PRKN: variants seen among roughly 807,000 people sequenced by gnomAD.
PRKN encodes the protein parkin RBR E3 ubiquitin protein ligase.
PRKN carries 56 observed loss-of-function variants against 59.5 expected under a neutral mutation model. The ratio of observed to expected loss-of-function variants is 0.94; its 90% CI spans 0.76 to 1.18. The LOEUF is 1.18. Among genes scored for constraint, PRKN ranks in the 50% most tolerant of loss-of-function variants. The pLI, the probability that PRKN is intolerant of heterozygous loss-of-function variation, is 0.00. For synonymous variants in PRKN, 250 were observed against 222.1 expected (o/e 1.13, Z -1.12); for missense variants, 657 against 596.4 (o/e 1.10, Z -1.06).
chr6:162,618,688 T>C (rs2128220304), intron 1 of PRKN, among the ~76,000 whole-genome samples: 1 of 152,352 alleles, frequency 6.6e-6, no homozygotes, highest in South Asian at 2.1e-4. Context: ...CATAATGTTC[T>C]TCTGTCAGAA....
At chr6:161,583,104 G>C (rs1029802348) in intron 7 of PRKN, among the ~76,000 whole-genome samples, 3 of 151,666 alleles carry the variant, frequency 2.0e-5, no homozygotes, top group African/African-American at 4.8e-5. Flanking sequence ...ATGAACTATA[G>C]AGCATTACCA....
rs116004812 is a variant in PRKN, at chr6:162,099,429, G to A, written c.535-45255C>T. Among the ~76,000 whole-genome samples the A allele has an allele frequency of 5.3e-3, 805 of 152,276 alleles. 9 individuals are homozygous for A. Among genetic ancestry groups the A allele is most frequent in the African/African-American group, 0.018 (758 of 41,548 alleles). On this transcript the variant is annotated intron_variant, in intron 4 of 11. Transcript: ENST00000366898. ...TTTTGACAGAAGCGTACCCCTCCCT[G>A]GAGAAACAGTTCTTCAGAACCTATG...
chr6:161,943,944 C>T (rs538300382), intron 6 of PRKN, among the ~76,000 whole-genome samples: 1 of 53,374 alleles, frequency 1.9e-5, no homozygotes, highest in African/African-American at 7.9e-5. Flanking sequence ...GAGGAAGCAG[C>T]CTGAGGGATC....
intron 2 of PRKN, among the ~76,000 whole-genome samples, chr6:162,311,628 G>A (rs1463078094): frequency 6.6e-6 from 1 of 151,692 alleles, no homozygotes; most frequent in African/African-American, 2.4e-5. Flanking sequence ...GACTACAGGT[G>A]CGTACCACCA....
chr6:161,881,120 C>T (rs1434719997), intron 6 of PRKN, among the ~76,000 whole-genome samples: 1 of 152,160 alleles, frequency 6.6e-6, no homozygotes, highest in South Asian at 2.1e-4. Flanking sequence ...AGCCCTCTAC[C>T]CCATACTCAG....
intron 1 of PRKN, among the ~76,000 whole-genome samples, chr6:162,611,740 C>T (rs938199530): frequency 6.6e-6 from 1 of 152,166 alleles, no homozygotes; most frequent in Admixed American, 6.5e-5. Context: ...CTGACCACAT[C>T]TTAGTTTTGT....
chr6:162,209,519 G>C (rs888125853), intron 3 of PRKN, among the ~76,000 whole-genome samples: 1 of 152,174 alleles, frequency 6.6e-6, no homozygotes, highest in Non-Finnish European at 1.5e-5. Context: ...GTGTAAATTA[G>C]TTCAACCATT....
chr6:162,010,541 T>C lies in PRKN; in HGVS notation c.619-37124A>G, dbSNP rs1362120532. Among the ~76,000 whole-genome samples, 2 of 15,664 alleles carry C rather than the reference T, an allele frequency of 1.3e-4. 1 individual carries two copies. The highest frequency in any genetic ancestry group is 1.2e-3 in the African/African-American group (2 of 1,652). 10.3% of individuals were successfully genotyped at this position (15,664 alleles called of 152,430 possible). A position where few individuals can be genotyped will look rare whatever the true frequency, so the allele number is the denominator to read the frequency against. On this transcript the variant is annotated intron_variant, in intron 5 of 11. Transcript: ENST00000366898. Reference sequence around the variant, plus strand: ...ATATTATATAATATATTATATAATGTATTATATTATATATTATATAATATA... The same window carrying C: ...ATATTATATAATATATTATATAATGCATTATATTATATATTATATAATATA...
intron 2 of PRKN, among the ~76,000 whole-genome samples, chr6:162,341,734 C>T (rs931442577): frequency 2.0e-5 from 3 of 151,744 alleles, no homozygotes; most frequent in African/African-American, 7.3e-5. Context: ...AGGGAGGGGA[C>T]CAACACACAC....
intron 7 of PRKN, among the ~76,000 whole-genome samples, chr6:161,645,941 G>A (rs1305375133): frequency 1.3e-5 from 2 of 149,566 alleles, no homozygotes; most frequent in African/African-American, 4.9e-5. Flanking sequence ...GTGTGCATGC[G>A]TGGCGGAGGA....
intron 7 of PRKN, among the ~76,000 whole-genome samples, chr6:161,656,550 G>A (rs6908041): frequency 0.85 from 128,762 of 152,204 alleles, 55,540 homozygotes; most frequent in African/African-American, 0.96. Context: ...CTGAGATGCC[G>A]TGGAACATGC....
intron 6 of PRKN, among the ~76,000 whole-genome samples, chr6:161,885,731 T>G (rs1336309348): frequency 6.6e-6 from 1 of 151,910 alleles, no homozygotes; most frequent in African/African-American, 2.4e-5. Context: ...ATTAAGTCAT[T>G]GGGATATCAT....
At position 161,880,645 on chromosome 6, in the gene PRKN, G is replaced by A. The variant is rs142140934; in HGVS notation, c.734+92657C>T. 2.5e-3 allele frequency among the ~76,000 whole-genome samples: 385 copies of A among 152,224 alleles called. 9 individuals carry two copies. In the East Asian group the frequency reaches 0.068, roughly 27 times the overall value. On this transcript the variant is annotated intron_variant, in intron 6 of 11. Transcript: ENST00000366898. ...GGCTGCTCCTGGCTTGGTCTCCACC[G>A]GCCATGGGAAGCCAGCTTTTCCTAC...
chr6:162,207,681 A>G (rs2128333400), intron 3 of PRKN, among the ~76,000 whole-genome samples: 1 of 152,232 alleles, frequency 6.6e-6, no homozygotes, highest in African/African-American at 2.4e-5. Context: ...ATGGGACCTC[A>G]TGTGCACACC....
At chr6:162,443,536 A>C in intron 1 of PRKN, 63 bp from the exon 2 acceptor site, 1 of 1,466,142 alleles carries the variant, frequency 6.8e-7, no homozygotes, top group Non-Finnish European at 9.6e-7. Context: ...TTAAATGGTG[A>C]TAGCAACATT....
intron 7 of PRKN, among the ~76,000 whole-genome samples, chr6:161,756,472 A>C (rs1788931227): frequency 1.7e-5 from 2 of 114,924 alleles, no homozygotes; most frequent in Admixed American, 9.1e-5. Flanking sequence ...AAAAAAAAAC[A>C]CTTTCTCTCA....
chr6:162,096,739 C>G (rs1453028614), intron 4 of PRKN, among the ~76,000 whole-genome samples: 1 of 151,022 alleles, frequency 6.6e-6, no homozygotes, highest in African/African-American at 2.4e-5. Context: ...ATTGGGAGGC[C>G]TCCCAGCCAT....
intron 2 of PRKN, among the ~76,000 whole-genome samples, chr6:162,288,772 A>G (rs1031277953): frequency 2.0e-5 from 3 of 152,154 alleles, no homozygotes; most frequent in African/African-American, 7.2e-5. Context: ...ATTTATAAAC[A>G]TCGGATACAT....
chr6:162,381,112 A>C (rs981150064), intron 2 of PRKN, among the ~76,000 whole-genome samples: 3 of 152,042 alleles, frequency 2.0e-5, no homozygotes, highest in African/African-American at 7.2e-5. Context: ...TTGATTCCCC[A>C]CCTTGAAGTC....
Sources: gnomAD v4.1 joint callset for allele counts (sites outside exome capture counted in the v4.1 genomes callset) on GRCh38, gnomAD v4.1.1 for gene constraint, MANE v1.5 for transcripts, NCBI Gene and HGNC (gene_info 2026-07-23, HGNC 2026-07-21) for gene names.